DENND1B: variants seen among roughly 807,000 people sequenced by gnomAD.
DENND1B encodes DENN domain containing 1B.
In DENND1B, 59 loss-of-function variants were observed where a neutral mutation model predicts 90.1. The observed-to-expected ratio is 0.65, with a 90% CI of 0.53 to 0.81. DENND1B has a LOEUF of 0.81. Ranked by LOEUF, DENND1B falls within the 40% of genes least tolerant of loss-of-function variation. The pLI is 0.00. For synonymous variants in DENND1B, 337 were observed against 324.6 expected (o/e 1.04, Z -0.41); for missense variants, 862 against 912.6 (o/e 0.94, Z 0.71).
At chr1:197,729,717 C>A (rs189511816) in intron 2 of DENND1B, among the ~76,000 whole-genome samples, 1 of 152,234 alleles carries the variant, frequency 6.6e-6, no homozygotes, top group South Asian at 2.1e-4. Context: ...CAGCACAGTA[C>A]CTCTCAAGCT....
intron 2 of DENND1B, among the ~76,000 whole-genome samples, chr1:197,721,410 C>T (rs985128113): frequency 7.9e-5 from 12 of 152,048 alleles, no homozygotes; most frequent in Non-Finnish European, 1.5e-4. Context: ...GATACTGATG[C>T]TACTGGTCTC....
chr1:197,619,256 T>C (rs750134743), intron 10 of DENND1B, among the ~76,000 whole-genome samples: 3 of 151,186 alleles, frequency 2.0e-5, no homozygotes, highest in Non-Finnish European at 4.4e-5. Flanking sequence ...ATTTAACAAT[T>C]ATAGACCATG....
chr1:197,750,613 A>ATAGATAG (rs1653365210), intron 2 of DENND1B, among the ~76,000 whole-genome samples: 1 of 111,002 alleles, frequency 9.0e-6, no homozygotes, highest in South Asian at 3.0e-4. Flanking sequence ...TAGATAGATA[A>ATAGATAG]AGATATAGAC....
chr1:197,516,352 AACG>A (rs1668398721), intron 20 of DENND1B, among the ~76,000 whole-genome samples: 1 of 151,856 alleles, frequency 6.6e-6, no homozygotes, highest in Non-Finnish European at 1.5e-5. Flanking sequence ...AAGAAATAAC[AACG>A]TCCAAACAGG....
At chr1:197,529,089 C>G (rs937712608) in intron 20 of DENND1B, among the ~76,000 whole-genome samples, 1 of 151,192 alleles carries the variant, frequency 6.6e-6, no homozygotes, top group Non-Finnish European at 1.5e-5. Context: ...TTGTATCACA[C>G]TGCAAATGAA....
chr1:197,750,510 C>T (rs1328012900), intron 2 of DENND1B, among the ~76,000 whole-genome samples: 4 of 151,690 alleles, frequency 2.6e-5, no homozygotes, highest in Admixed American at 2.6e-4. Flanking sequence ...ACACTGAATA[C>T]AAATGTATCA....
intron 5 of DENND1B, among the ~76,000 whole-genome samples, 159 bp downstream of exon 5, chr1:197,671,878 T>C (rs897556459): frequency 6.6e-6 from 1 of 152,086 alleles, no homozygotes; most frequent in Admixed American, 6.6e-5. Context: ...TAATGGTAAA[T>C]CTTTAAACTT....
intron 20 of DENND1B, among the ~76,000 whole-genome samples, chr1:197,529,384 G>T (rs1669456899): frequency 1.3e-5 from 2 of 151,012 alleles, no homozygotes; most frequent in Admixed American, 1.3e-4. Context: ...GGGTGGGTGG[G>T]TGTGTGTGTG....
chr1:197,510,198 C>T lies in DENND1B; in HGVS notation c.*262G>A, dbSNP rs1667922954. 2.3e-6 allele frequency: 1 copy of T among 430,650 alleles called. No homozygotes were observed. The highest frequency in any genetic ancestry group is 2.0e-5 in the African/African-American group (1 of 48,884). 26.7% of individuals were successfully genotyped at this position (430,650 alleles called of 1,614,324 possible). A position where few individuals can be genotyped will look rare whatever the true frequency, so the allele number is the denominator to read the frequency against. ...TAAATAAAATAAACGGCATTAAGCA[C>T]CAAACACTGGGAAATCTCATGGTCA... On this transcript the variant is annotated 3_prime_UTR_variant, in exon 23 of 23. Transcript: ENST00000620048.
intron 2 of DENND1B, among the ~76,000 whole-genome samples, chr1:197,750,028 G>C (rs980166519): frequency 6.6e-6 from 1 of 152,048 alleles, no homozygotes; most frequent in African/African-American, 2.4e-5. Flanking sequence ...TTTATGGTTT[G>C]TTGAGATGAG....
intron 3 of DENND1B, among the ~76,000 whole-genome samples, chr1:197,699,661 C>A (rs551115091): frequency 6.6e-6 from 1 of 152,250 alleles, no homozygotes; most frequent in Non-Finnish European, 1.5e-5. Context: ...ATTTAGAAAA[C>A]CCCATCATCT....
In DENND1B at chr1:197,628,769, C is replaced by T. The variant is rs865780967; in HGVS notation, c.673-11010G>A. Among the ~76,000 whole-genome samples, 12 of 151,930 alleles carry T rather than the reference C, an allele frequency of 7.9e-5. No individual in the cohort carries two copies. The South Asian group carries it at 2.5e-3, about 32-fold the overall frequency. ...ACAACATGGGAGAAAATTTTTGCAA[C>T]CTACTCATCTGACAAAGGGCTAATA... On this transcript the variant is annotated intron_variant, in intron 10 of 22. Transcript: ENST00000620048.
chr1:197,646,570 TA>T (rs1334831887), intron 8 of DENND1B, among the ~76,000 whole-genome samples: 1 of 152,002 alleles, frequency 6.6e-6, no homozygotes, highest in Non-Finnish European at 1.5e-5. Flanking sequence ...CATAAGGACA[TA>T]TTTAATAATA....
intron 2 of DENND1B, among the ~76,000 whole-genome samples, chr1:197,748,761 T>C (rs531689355): frequency 1.3e-5 from 2 of 152,330 alleles, no homozygotes; most frequent in African/African-American, 4.8e-5. Context: ...GTGAGTACCA[T>C]TTCAGCCTTC....
At chr1:197,579,367 C>T (rs1673992149) in intron 15 of DENND1B, among the ~76,000 whole-genome samples, 1 of 152,096 alleles carries the variant, frequency 6.6e-6, no homozygotes, top group South Asian at 2.1e-4. Flanking sequence ...TTCTAGATTC[C>T]ATTGTTGCTG....
intron 9 of DENND1B, 146 bp from the exon 10 acceptor site, chr1:197,642,967 G>T: frequency 1.8e-6 from 1 of 557,154 alleles, no homozygotes; most frequent in Non-Finnish European, 3.2e-6. Context: ...TGTAATACTA[G>T]TCGGCTGCCA....
intron 3 of DENND1B, among the ~76,000 whole-genome samples, chr1:197,687,603 C>T (rs1657384500): frequency 4.6e-5 from 7 of 152,006 alleles, no homozygotes; most frequent in African/African-American, 1.7e-4. Context: ...AGGCATTTGA[C>T]AAAATTCAAC....
intron 2 of DENND1B, chr1:197,734,674 A>T: frequency 1.0e-6 from 1 of 985,308 alleles, no homozygotes; most frequent in Non-Finnish European, 1.2e-6. Flanking sequence ...AACAGACAGC[A>T]ATTAATGAAA....
intron 13 of DENND1B, among the ~76,000 whole-genome samples, chr1:197,601,092 T>C (rs1254119995): frequency 2.0e-5 from 3 of 151,788 alleles, no homozygotes; most frequent in Non-Finnish European, 4.4e-5. Flanking sequence ...CCCTGTTCTT[T>C]TATAACATTT....
Sources: gnomAD v4.1 joint callset for allele counts (sites outside exome capture counted in the v4.1 genomes callset) on GRCh38, gnomAD v4.1.1 for gene constraint, MANE v1.5 for transcripts, NCBI Gene and HGNC (gene_info 2026-07-23, HGNC 2026-07-21) for gene names.